Variants in SLCO3A1 observed in about 807,000 individuals in gnomAD.
SLCO3A1 encodes PGE1 transporter.
SLCO3A1 carries 27 observed loss-of-function variants against 63.1 expected under a neutral mutation model. The observed-to-expected ratio is 0.43, with a 90% confidence interval of 0.32 to 0.59. SLCO3A1 has a LOEUF of 0.59. SLCO3A1 is among the 20% of genes least tolerant of loss of function. SLCO3A1 has a pLI of 0.09. For missense variants in SLCO3A1, 773 were observed against 945.8 expected, an observed-to-expected ratio of 0.82 and a Z score of 2.40; for synonymous variants, 473 against 409.9, an observed-to-expected ratio of 1.15 and a Z score of -1.86.
At position 91,885,908 on chromosome 15, in the gene SLCO3A1, G is replaced by T. The variant is rs916349909; in HGVS notation, c.181-30085G>T. ...GGCAGAGGGACTAGGAAGTGCAAAG[G>T]CCCTGGGGTTGAAATATGCTTGATG... is the stretch of plus-strand genomic sequence containing the variant. On this transcript the variant is annotated intron_variant, in intron 1 of 9. Coordinates refer to ENST00000318445, the MANE Select transcript of SLCO3A1 (RefSeq NM_013272.4). The surrounding 1 kb of genome is among the most constrained non-coding windows in gnomAD (Gnocchi z 4.7). Among the ~76,000 whole-genome samples the T allele has an allele frequency of 3.9e-5, 6 of 152,168 alleles. No individual in the cohort carries two copies. Among genetic ancestry groups the T allele is most frequent in the Non-Finnish European group, 8.8e-5 (6 of 68,026 alleles).
chr15:91,967,874 CAGGATTCA>C lies in SLCO3A1; in HGVS notation c.646+51417_646+51424del, dbSNP rs780565696. On this transcript the variant is annotated intron_variant, in intron 2 of 9. Transcript: ENST00000318445. This position sits in a 1 kb window ranked among gnomAD's most constrained non-coding sequence, Gnocchi z 4.4. ...GCTCTTTCCTTGTCTGCTTTGTCTG[CAGGATTCA>C]GCACCAAGAGCTCTCAAGAGCAAAT... is the stretch of plus-strand genomic sequence containing the variant. 6.6e-6 allele frequency among the ~76,000 whole-genome samples: 1 copy of C among 152,192 alleles called. No individual in the cohort carries two copies. Among genetic ancestry groups the C allele is most frequent in the Non-Finnish European group, 1.5e-5 (1 of 68,036 alleles).
intron 2 of SLCO3A1, among the ~76,000 whole-genome samples, chr15:92,069,096 GC>G (rs56003783): frequency 0.099 from 11,454 of 115,556 alleles, 554 homozygotes; most frequent in East Asian, 0.18. Flanking sequence ...GGCTCCCCCC[GC>G]CCCCCCCCCG....
At chr15:91,895,189 C>T (rs1197443729) in intron 1 of SLCO3A1, among the ~76,000 whole-genome samples, 1 of 152,124 alleles carries the variant, frequency 6.6e-6, no homozygotes, top group South Asian at 2.1e-4. Flanking sequence ...CAGTGTGACT[C>T]CCTGTGTGTA....
At chr15:92,113,075 T>C (rs902137628) in intron 4 of SLCO3A1, among the ~76,000 whole-genome samples, 8 of 152,194 alleles carry the variant, frequency 5.3e-5, no homozygotes, top group Admixed American at 3.9e-4. Context: ...CTTAGTCTTT[T>C]TCTCTCTGCT....
chr15:92,135,367 A>T (rs925611346), intron 7 of SLCO3A1, among the ~76,000 whole-genome samples: 3 of 152,152 alleles, frequency 2.0e-5, no homozygotes, highest in African/African-American at 7.2e-5. Flanking sequence ...CACGCGCCAC[A>T]GGTTACCGGG....
intron 2 of SLCO3A1, among the ~76,000 whole-genome samples, chr15:92,029,447 T>A (rs142089634): frequency 9.8e-5 from 15 of 152,286 alleles, no homozygotes; most frequent in African/African-American, 3.6e-4. Flanking sequence ...ATATATAAAC[T>A]CTCCGTTCCG....
chr15:91,858,692 T>C (rs535407826), intron 1 of SLCO3A1, among the ~76,000 whole-genome samples: 1 of 152,360 alleles, frequency 6.6e-6, no homozygotes, highest in African/African-American at 2.4e-5. Context: ...TGGGTGCTGC[T>C]GGAATCGTGT....
chr15:91,973,222 C>G (rs1284722704), intron 2 of SLCO3A1, among the ~76,000 whole-genome samples: 1 of 152,200 alleles, frequency 6.6e-6, no homozygotes, highest in Non-Finnish European at 1.5e-5. Flanking sequence ...AAGAAGTGGT[C>G]TTGGATATCC....
rs1260695991 is a variant in SLCO3A1 at position 91,859,721 on chromosome 15, T to A, written c.180+5633T>A. On this transcript the variant is annotated intron_variant, in intron 1 of 9. Transcript: ENST00000318445. The surrounding 1 kb of genome is among the most constrained non-coding windows in gnomAD (Gnocchi z 5.1). ...TGTTTTGCTGTGAGGATGAACTGAG[T>A]CAGTACATGTAAAGCACCTTGAACA... is the stretch of plus-strand genomic sequence containing the variant. Among the ~76,000 whole-genome samples the A allele has an allele frequency of 6.6e-6, 1 of 152,136 alleles. No homozygotes were observed. The highest frequency in any genetic ancestry group is 1.5e-5 in the Non-Finnish European group (1 of 68,042).
At chr15:92,082,855 C>T (rs756003565) in intron 2 of SLCO3A1, among the ~76,000 whole-genome samples, 16 of 152,274 alleles carry the variant, frequency 1.1e-4, no homozygotes, top group Middle Eastern at 3.4e-3. Context: ...AACTAGGTCC[C>T]GGAGTCCTGA....
Position 91,853,898 on chromosome 15 carries a change from GC to G in SLCO3A1, c.-10del, listed in dbSNP as rs1555443774. ...GGCAGCGGCGGCGGCGGCGGCGGCG[GC>G]GGGGGAAGGATGCAGGGGAAGAAGC... On this transcript the variant is annotated 5_prime_UTR_variant, in exon 1 of 10. Coordinates refer to ENST00000318445, the MANE Select transcript of SLCO3A1 (RefSeq NM_013272.4). 3.0e-5 allele frequency: 41 copies of G among 1,361,018 alleles called. No homozygotes were observed. The highest frequency in any genetic ancestry group is 2.3e-5 in the Non-Finnish European group (24 of 1,049,994). 84.3% of individuals were successfully genotyped at this position (1,361,018 alleles called of 1,614,324 possible). A position where few individuals can be genotyped will look rare whatever the true frequency, so the allele number is the denominator to read the frequency against.
At chr15:92,108,545 A>G (rs1440231575) in intron 4 of SLCO3A1, among the ~76,000 whole-genome samples, 1 of 152,194 alleles carries the variant, frequency 6.6e-6, no homozygotes, top group Admixed American at 6.5e-5. Context: ...ACTGTAATAG[A>G]CATACGTACA....
intron 2 of SLCO3A1, among the ~76,000 whole-genome samples, chr15:92,018,145 A>T (rs1382634687): frequency 6.6e-6 from 1 of 152,190 alleles, no homozygotes; most frequent in East Asian, 1.9e-4. Context: ...GACAGATGTG[A>T]GGCCAGGCCT....
intron 2 of SLCO3A1, among the ~76,000 whole-genome samples, chr15:92,013,995 G>A (rs1036437522): frequency 9.2e-5 from 14 of 152,122 alleles, no homozygotes; most frequent in East Asian, 7.8e-4. Flanking sequence ...ACCTCCCCTC[G>A]CGTGGTCACT....
intron 2 of SLCO3A1, among the ~76,000 whole-genome samples, chr15:91,985,710 A>G (rs1480291884): frequency 6.6e-6 from 1 of 152,194 alleles, no homozygotes. Flanking sequence ...AGGGCCCTGC[A>G]CTAGTGCTCC....
intron 2 of SLCO3A1, among the ~76,000 whole-genome samples, chr15:92,002,203 G>A (rs750673810): frequency 4.6e-5 from 7 of 152,084 alleles, no homozygotes; most frequent in Non-Finnish European, 1.0e-4. Flanking sequence ...ATGTACATTC[G>A]CAAGGAAAGA....
At chr15:91,874,871 G>A (rs1166995902) in intron 1 of SLCO3A1, among the ~76,000 whole-genome samples, 8 of 152,150 alleles carry the variant, frequency 5.3e-5, no homozygotes, top group African/African-American at 1.9e-4. Context: ...TCTTTTCTCT[G>A]TATTTCCTGT....
intron 2 of SLCO3A1, among the ~76,000 whole-genome samples, chr15:91,992,618 C>A (rs965991147): frequency 6.6e-6 from 1 of 152,204 alleles, no homozygotes; most frequent in African/African-American, 2.4e-5. Flanking sequence ...GTCGCTAGGC[C>A]TCTCTTTGCC....
At chr15:92,029,431 G>A (rs1399276248) in intron 2 of SLCO3A1, among the ~76,000 whole-genome samples, 1 of 152,204 alleles carries the variant, frequency 6.6e-6, no homozygotes, top group South Asian at 2.1e-4. Context: ...GGCTTGGTAG[G>A]TGTCCATATA....
Sources: gnomAD v4.1 joint callset for allele counts (sites outside exome capture counted in the v4.1 genomes callset) on GRCh38, gnomAD v4.1.1 for gene constraint, Gnocchi (gnomAD v3.1) non-coding constraint, MANE v1.5 for transcripts, NCBI Gene and HGNC (gene_info 2026-07-23, HGNC 2026-07-21) for gene names.